The following USP47 variants were observed in gnomAD, a reference collection of about 807,000 sequenced individuals.
USP47 encodes ubiquitin specific peptidase 47.
Under a neutral mutation model 165.1 loss-of-function variants are expected in USP47, and 35 were observed. The observed-to-expected ratio is 0.21, with a 90% CI of 0.16 to 0.28. USP47 has a LOEUF of 0.28. USP47 is among the 10% of genes least tolerant of loss of function. USP47 has a pLI of 1.00. For missense variants in USP47, 1,277 were observed against 1,607.4 expected, an observed-to-expected ratio of 0.79 and a Z score of 3.52; for synonymous variants, 531 against 544.5, an observed-to-expected ratio of 0.98 and a Z score of 0.35.
chr11:11,889,705 T>A (rs1851389384), intron 3 of USP47, among the ~76,000 whole-genome samples: 1 of 152,232 alleles, frequency 6.6e-6, no homozygotes, highest in African/African-American at 2.4e-5. Context: ...GAAAAATCTA[T>A]TTTAAAATTC....
intron 1 of USP47, among the ~76,000 whole-genome samples, chr11:11,869,098 A>G (rs1849866154): frequency 6.6e-6 from 1 of 152,116 alleles, no homozygotes; most frequent in Non-Finnish European, 1.5e-5. Context: ...ATCTTTGCAG[A>G]GTAGGCATTT....
chr11:11,885,532 A>G (rs562723745), intron 3 of USP47, among the ~76,000 whole-genome samples: 1 of 152,260 alleles, frequency 6.6e-6, no homozygotes, highest in South Asian at 2.1e-4. Flanking sequence ...CCCTAAGATC[A>G]AGAGATCCCC....
At chr11:11,888,402 A>G (rs937562462) in intron 3 of USP47, among the ~76,000 whole-genome samples, 3 of 152,160 alleles carry the variant, frequency 2.0e-5, no homozygotes, top group African/African-American at 7.2e-5. Context: ...CCACAGAAAT[A>G]CGAAAAACCA....
rs1847374100 is a variant in USP47, at chr11:11,959,772, C to T, written c.*3597C>T. 6.6e-6 allele frequency among the ~76,000 whole-genome samples: 1 copy of T among 152,148 alleles called. No individual in the cohort carries two copies. Among genetic ancestry groups the T allele is most frequent in the South Asian group, 2.1e-4 (1 of 4,828 alleles). On this transcript the variant is annotated 3_prime_UTR_variant, in exon 28 of 28. Transcript: ENST00000527733. ...CCCATCACAGCACTGCCCCTTTCCACCTCCTCACCAGCTCACCTGTACAAG... is the reference window on the plus strand; with the variant it reads ...CCCATCACAGCACTGCCCCTTTCCATCTCCTCACCAGCTCACCTGTACAAG...
rs769737454 is a variant in USP47 at position 11,842,206 on chromosome 11, C to T, written c.21C>T (p.Asn7=). 6 of 1,553,842 alleles carry T rather than the reference C, an allele frequency of 3.9e-6. No homozygotes were observed. The highest frequency in any genetic ancestry group is 5.2e-6 in the Non-Finnish European group (6 of 1,147,764). ...CAGCGATGGTGCCCGGCGAGGAGAA[C>T]CAACTGGTCCCGAAAGAGGTGAGGG... MVPGEE[N]QLVPKEIENA... Residue 7 remains asparagine (N), a synonymous_variant, in exon 1 of 28, where the codon AAC becomes AAT. Coordinates refer to ENST00000527733, the MANE Select transcript of USP47 (RefSeq NM_001282659.2).
At chr11:11,870,674 A>G (rs1849978209) in intron 1 of USP47, among the ~76,000 whole-genome samples, 1 of 152,090 alleles carries the variant, frequency 6.6e-6, no homozygotes, top group South Asian at 2.1e-4. Flanking sequence ...TATTTTTTGT[A>G]AGCACCTGAA....
chr11:11,878,719 A>T (rs538522086), intron 1 of USP47: 46 of 152,200 alleles, frequency 3.0e-4, no homozygotes, highest in African/African-American at 8.4e-4. Flanking sequence ...TTTAAATATT[A>T]TACTTTTATA....
chr11:11,863,235 C>T (rs1222435572), intron 1 of USP47, among the ~76,000 whole-genome samples: 1 of 152,076 alleles, frequency 6.6e-6, no homozygotes, highest in Non-Finnish European at 1.5e-5. Context: ...ATGTACTTTA[C>T]TTCAGTTTTC....
intron 27 of USP47, 131 bp downstream of exon 27, chr11:11,955,295 C>A: frequency 3.6e-6 from 4 of 1,108,076 alleles, no homozygotes; most frequent in Non-Finnish European, 4.8e-6. Flanking sequence ...ACAGTGACAG[C>A]CAAACATGAT....
chr11:11,958,966 G>A lies in USP47; in HGVS notation c.*2791G>A, dbSNP rs890413041. 1 of 152,194 alleles carries A rather than the reference G, an allele frequency of 6.6e-6. No homozygotes were observed. Among genetic ancestry groups the A allele is most frequent in the Non-Finnish European group, 1.5e-5 (1 of 68,034 alleles). 9.4% of individuals were successfully genotyped at this position (152,194 alleles called of 1,614,324 possible). A position where few individuals can be genotyped will look rare whatever the true frequency, so the allele number is the denominator to read the frequency against. Reference sequence around the variant, plus strand: ...AAATAATCCAATGAAATAAGCATTGGTTGCCAGGCCACAGTTAGGAATTGT... The same window carrying A: ...AAATAATCCAATGAAATAAGCATTGATTGCCAGGCCACAGTTAGGAATTGT... On this transcript the variant is annotated 3_prime_UTR_variant, in exon 28 of 28. Transcript: ENST00000527733.
rs758025243 is a variant in USP47 at position 11,943,121 on chromosome 11, T to G, written c.3091+9T>G. The G allele has an allele frequency of 1.3e-6, 2 of 1,579,420 alleles. No homozygotes were observed. Among genetic ancestry groups the G allele is most frequent in the African/African-American group, 1.4e-5 (1 of 72,820 alleles). ...TGGGGAAGGACATAAATGTATGTAC[T>G]TCAAAAGAAAAACGGTCCTTGAAAC... is the stretch of plus-strand genomic sequence containing the variant. On this transcript the variant is annotated intron_variant, in intron 20 of 27. Transcript: ENST00000527733.
chr11:11,938,741 T>G (rs1855256901), intron 18 of USP47, among the ~76,000 whole-genome samples: 1 of 152,010 alleles, frequency 6.6e-6, no homozygotes, highest in Admixed American at 6.6e-5. Context: ...ATGCTGCATT[T>G]AGTGTCTGGT....
In USP47 at chr11:11,875,066, TG is replaced by T. The variant is rs1590274405; in HGVS notation, c.40-5110del. Reference sequence around the variant, plus strand: ...GTGTGTGTGTGTGTGTGTGTGTGTGTGTGTGTGTGTGTGTGTTTAAAAGCTT... The same window carrying T: ...GTGTGTGTGTGTGTGTGTGTGTGTGTTGTGTGTGTGTGTGTTTAAAAGCTT... On this transcript the variant is annotated intron_variant, in intron 1 of 27. Coordinates refer to ENST00000527733, the MANE Select transcript of USP47 (RefSeq NM_001282659.2). Among the ~76,000 whole-genome samples, 56 of 151,562 alleles carry T rather than the reference TG, an allele frequency of 3.7e-4. 2 individuals carry two copies. The highest frequency in any genetic ancestry group is 5.3e-4 in the African/African-American group (22 of 41,380).
chr11:11,910,394 AAGAC>A, intron 8 of USP47, among the ~76,000 whole-genome samples: 1 of 152,196 alleles, frequency 6.6e-6, no homozygotes, highest in Non-Finnish European at 1.5e-5. Context: ...GACGAGGAAA[AAGAC>A]AGCCTAGCAA....
At chr11:11,937,017 C>T (rs1449743609) in intron 17 of USP47, among the ~76,000 whole-genome samples, 1 of 151,806 alleles carries the variant, frequency 6.6e-6, no homozygotes, top group Non-Finnish European at 1.5e-5. Context: ...CTACAGGTCC[C>T]AGGGACTTCA....
In USP47 at chr11:11,929,464, A is replaced by C; in HGVS notation, c.1417A>C (p.Met473Leu). 1 of 1,612,874 alleles carries C rather than the reference A, an allele frequency of 6.2e-7. No individual in the cohort carries two copies. The highest frequency in any genetic ancestry group is 8.5e-7 in the Non-Finnish European group (1 of 1,179,256). ...NSLIYELFSVMVHSGSAAGGH... is the reference protein window; with the variant it reads ...NSLIYELFSVLVHSGSAAGGH... ...CTTGATCTATGAACTTTTCTCTGTT[A>C]TGGTTCATTCTGGGAGCGCTGCTGG... Residue 473 changes from methionine (M) to leucine (L), a missense_variant, in exon 12 of 28, where the codon ATG (methionine) becomes CTG (leucine). Physicochemically the swap from Met to Leu is conservative, Grantham distance 15. Around this residue, in one of 4 missense-constraint regions of USP47, gnomAD observed 909 missense variants for 1,068.1 expected, o/e 0.85. Transcript: ENST00000527733.
intron 4 of USP47, among the ~76,000 whole-genome samples, chr11:11,895,951 AT>A (rs1313031123): frequency 6.6e-6 from 1 of 152,190 alleles, no homozygotes; most frequent in Non-Finnish European, 1.5e-5. Context: ...ACTATTTCAG[AT>A]GTAGAATCCA....
rs534465612 is a variant in USP47, at chr11:11,956,332, A to G, written c.*157A>G. ...ACACCAATCAGAAGCTCAGTGCCCA[A>G]TGGGCCACTGTTTTGACTCGGAATC... On this transcript the variant is annotated 3_prime_UTR_variant, in exon 28 of 28. Coordinates refer to ENST00000527733, the MANE Select transcript of USP47 (RefSeq NM_001282659.2). The G allele has an allele frequency of 3.7e-4, 227 of 606,624 alleles. 3 individuals are homozygous for G. The South Asian group carries it at 5.6e-3, about 15-fold the overall frequency. 37.6% of individuals were successfully genotyped at this position (606,624 alleles called of 1,614,324 possible).
intron 3 of USP47, among the ~76,000 whole-genome samples, chr11:11,885,432 C>T (rs965967713): frequency 1.3e-5 from 2 of 152,088 alleles, no homozygotes; most frequent in Non-Finnish European, 2.9e-5. Flanking sequence ...GACACAAAGC[C>T]AAAGGAATCC....
Sources: gnomAD v4.1 joint callset for allele counts (sites outside exome capture counted in the v4.1 genomes callset) on GRCh38, gnomAD v4.1.1 for gene constraint, gnomAD v4.1.1 regional missense constraint, MANE v1.5 for transcripts, NCBI Gene and HGNC (gene_info 2026-07-23, HGNC 2026-07-21) for gene names.